The following RSPO1 variants were observed in gnomAD, a reference collection of about 807,000 sequenced individuals.
RSPO1 encodes R-spondin 1.
Under a neutral mutation model 26.0 loss-of-function variants are expected in RSPO1, and 18 were observed. That is an observed-to-expected ratio of 0.69 (90% CI 0.48 to 1.03). The LOEUF (loss-of-function observed/expected upper bound fraction) is 1.03. RSPO1 is among the 50% of genes least tolerant of loss of function. The pLI, the probability that RSPO1 is intolerant of heterozygous loss-of-function variation, is 0.00. For missense variants in RSPO1, 309 were observed against 352.3 expected, an observed-to-expected ratio of 0.88 and a Z score of 0.98; for synonymous variants, 133 against 137.4, an observed-to-expected ratio of 0.97 and a Z score of 0.22.
intron 1 of RSPO1, among the ~76,000 whole-genome samples, chr1:37,633,671 C>G (rs1319435526): frequency 6.7e-6 from 1 of 148,192 alleles, no homozygotes; most frequent in African/African-American, 2.5e-5. Flanking sequence ...GGGCGGGGGG[C>G]GGGACAAAGT....
chr1:37,614,404 A>G (rs989495042), intron 4 of RSPO1, 71 bp from the exon 5 acceptor site: 29 of 1,569,494 alleles, frequency 1.8e-5, no homozygotes, highest in Middle Eastern at 2.1e-4. Flanking sequence ...CCCAGCCCCA[A>G]TACCCTCCCT....
Position 37,614,170 on chromosome 1 carries a change from C to T in RSPO1, c.436+14G>A, listed in dbSNP as rs1295278604. On this transcript the variant is annotated intron_variant, in intron 5 of 6. Coordinates refer to ENST00000356545, the MANE Select transcript of RSPO1 (RefSeq NM_001242908.2). ...GTCCTGGACCCTCTGCCCACAGTGC[C>T]TGCCATGGCTTACCAGGACTACTGC... 6.2e-7 allele frequency: 1 copy of T among 1,611,708 alleles called. No individual in the cohort carries two copies. Among genetic ancestry groups the T allele is most frequent in the African/African-American group, 1.3e-5 (1 of 74,868 alleles).
intron 3 of RSPO1, among the ~76,000 whole-genome samples, chr1:37,625,363 T>C (rs1380703307): frequency 6.6e-6 from 1 of 152,068 alleles, no homozygotes; most frequent in Non-Finnish European, 1.5e-5. Context: ...GGATGGAACA[T>C]GGATGAGGGA....
rs1272303444 is a variant in RSPO1 at position 37,614,400 on chromosome 1, C to T, written c.287-67G>A. ...GAGAATGTTTCCCCTCATCCCCAGC[C>T]CCAATACCCTCCCTTCTGTCCACAC... On this transcript the variant is annotated intron_variant, in intron 4 of 6. Transcript: ENST00000356545. 3.5e-5 allele frequency: 55 copies of T among 1,577,942 alleles called. No individual in the cohort carries two copies. In the East Asian group the frequency reaches 1.2e-3, roughly 35 times the overall value.
rs1361986634 is a variant in RSPO1, at chr1:37,634,090, C to T, written c.-356+476G>A. 6.6e-6 allele frequency among the ~76,000 whole-genome samples: 1 copy of T among 152,188 alleles called. No homozygotes were observed. Among genetic ancestry groups the T allele is most frequent in the East Asian group, 1.9e-4 (1 of 5,182 alleles). On this transcript the variant is annotated intron_variant, in intron 1 of 6. Coordinates refer to ENST00000356545, the MANE Select transcript of RSPO1 (RefSeq NM_001242908.2). This position sits in a 1 kb window ranked among gnomAD's most constrained non-coding sequence, Gnocchi z 4.7. ...AGACCCCGAGGGCCAGGGAGCCGCGCCACTTCGCTGCGCACCGGGGGCCGC... is the reference window on the plus strand; with the variant it reads ...AGACCCCGAGGGCCAGGGAGCCGCGTCACTTCGCTGCGCACCGGGGGCCGC...
chr1:37,624,880 A>C (rs1303231293), intron 3 of RSPO1, among the ~76,000 whole-genome samples: 1 of 152,144 alleles, frequency 6.6e-6, no homozygotes, highest in Non-Finnish European at 1.5e-5. Flanking sequence ...ACCCCTCAGC[A>C]CCACTCCTAA....
chr1:37,629,891 C>T lies in RSPO1; in HGVS notation c.-230G>A, dbSNP rs183651885. ...AAGAGAGACTTCCTCAAAGATACCTCGGAATATCATATGAGAGATCTTTTT... is the reference window on the plus strand; with the variant it reads ...AAGAGAGACTTCCTCAAAGATACCTTGGAATATCATATGAGAGATCTTTTT... On this transcript the variant is annotated 5_prime_UTR_variant, in exon 3 of 7. Coordinates refer to ENST00000356545, the MANE Select transcript of RSPO1 (RefSeq NM_001242908.2). 124 of 1,549,558 alleles carry T rather than the reference C, an allele frequency of 8.0e-5. No individual in the cohort carries two copies. In the African/African-American group the frequency reaches 1.1e-3, roughly 14 times the overall value.
intron 3 of RSPO1, among the ~76,000 whole-genome samples, chr1:37,619,812 A>T (rs924486305): frequency 6.6e-6 from 1 of 151,642 alleles, no homozygotes; most frequent in Non-Finnish European, 1.5e-5. Flanking sequence ...CAGTGGCACA[A>T]TCTCGGCTCA....
At chr1:37,633,789 C>A (rs1456367602) in intron 1 of RSPO1, among the ~76,000 whole-genome samples, 1 of 152,156 alleles carries the variant, frequency 6.6e-6, no homozygotes, top group Non-Finnish European at 1.5e-5. Flanking sequence ...GGCTTCTTCA[C>A]CCCTCCATCA....
At chr1:37,622,062 C>A (rs1172937037) in intron 3 of RSPO1, among the ~76,000 whole-genome samples, 1 of 152,088 alleles carries the variant, frequency 6.6e-6, no homozygotes. Flanking sequence ...AGAAGAGGAA[C>A]TGGACATTGA....
intron 4 of RSPO1, among the ~76,000 whole-genome samples, chr1:37,614,996 G>A (rs936559872): frequency 2.6e-5 from 4 of 152,180 alleles, no homozygotes; most frequent in African/African-American, 9.7e-5. Context: ...TGGGGGCAGG[G>A]TGGGTCTTCC....
In RSPO1 at chr1:37,629,747, G is replaced by T; in HGVS notation, c.-86C>A. On this transcript the variant is annotated 5_prime_UTR_variant, in exon 3 of 7. Transcript: ENST00000356545. ...CACGGCTCTTGCTAACACCTCTGGG[G>T]CTGGGTCAGCAGCAGGAGGCCCAGG... 1.3e-6 allele frequency: 2 copies of T among 1,570,966 alleles called. No individual in the cohort carries two copies. The highest frequency in any genetic ancestry group is 1.7e-6 in the Non-Finnish European group (2 of 1,157,918).
Position 37,634,193 on chromosome 1 carries a change from G to T in RSPO1, c.-356+373C>A, listed in dbSNP as rs1356052831. ...GGGGTCACCAGAGACCGTGGGACTT[G>T]GGGGAATCCGAGCCAATGAGCCCCA... On this transcript the variant is annotated intron_variant, in intron 1 of 6. Coordinates refer to ENST00000356545, the MANE Select transcript of RSPO1 (RefSeq NM_001242908.2). This position sits in a 1 kb window ranked among gnomAD's most constrained non-coding sequence, Gnocchi z 4.7. 6.6e-6 allele frequency among the ~76,000 whole-genome samples: 1 copy of T among 152,164 alleles called. No individual in the cohort carries two copies. The highest frequency in any genetic ancestry group is 1.9e-4 in the East Asian group (1 of 5,176).
chr1:37,628,173 TTCTC>T (rs956488723), intron 3 of RSPO1, among the ~76,000 whole-genome samples: 2 of 150,930 alleles, frequency 1.3e-5, no homozygotes, highest in African/African-American at 4.9e-5. Context: ...GTTCCTCCCA[TTCTC>T]TCTCTCTCTC....
intron 1 of RSPO1, among the ~76,000 whole-genome samples, chr1:37,633,178 C>T (rs899451243): frequency 6.6e-6 from 1 of 152,224 alleles, no homozygotes; most frequent in Non-Finnish European, 1.5e-5. Flanking sequence ...AGACCTGGCC[C>T]TGAATGGTTA....
chr1:37,616,804 C>G lies in RSPO1; in HGVS notation c.95-129G>C, dbSNP rs143538807. On this transcript the variant is annotated intron_variant, in intron 3 of 6. Transcript: ENST00000356545. ...GAAGGAATATGCTTCTCAGAAAGCACCGGCCAGGCTGGCAGCTCTCTGCAA... is the reference window on the plus strand; with the variant it reads ...GAAGGAATATGCTTCTCAGAAAGCAGCGGCCAGGCTGGCAGCTCTCTGCAA... 495 of 906,464 alleles carry G rather than the reference C, an allele frequency of 5.5e-4. 1 individual carries two copies. In the African/African-American group the frequency reaches 6.2e-3, roughly 11 times the overall value. 56.2% of individuals were successfully genotyped at this position (906,464 alleles called of 1,614,324 possible). A position where few individuals can be genotyped will look rare whatever the true frequency, so the allele number is the denominator to read the frequency against.
Position 37,629,928 on chromosome 1 carries a change from A to G in RSPO1, c.-267T>C, listed in dbSNP as rs190916306. On this transcript the variant is annotated 5_prime_UTR_variant, in exon 3 of 7. Coordinates refer to ENST00000356545, the MANE Select transcript of RSPO1 (RefSeq NM_001242908.2). ...TGAGAGATCTTTTTGTCACGTCAGC[A>G]GGGACTACTCCAAAAACCAACCTGT... 3.3e-3 allele frequency: 4,997 copies of G among 1,511,804 alleles called. 17 individuals are homozygous for G. Among genetic ancestry groups the G allele is most frequent in the Non-Finnish European group, 4.0e-3 (4,460 of 1,111,514 alleles). The allele number at this position is 1,511,804 out of a possible 1,614,324, so 93.6% of individuals were successfully genotyped here.
At chr1:37,630,016 C>A in intron 2 of RSPO1, 67 bp from the exon 3 acceptor site, 1 of 740,764 alleles carries the variant, frequency 1.3e-6, no homozygotes, top group Non-Finnish European at 2.4e-6. Flanking sequence ...ATGCCTCCTG[C>A]CCTACCCAGA....
chr1:37,631,866 C>T (rs1438170851), intron 2 of RSPO1: 2 of 152,192 alleles, frequency 1.3e-5, no homozygotes, highest in Non-Finnish European at 2.9e-5. Context: ...TACTGTTATG[C>T]AATTTCCATA....
Sources: allele counts gnomAD v4.1 joint callset (sites outside exome capture counted in the v4.1 genomes callset), GRCh38; gene constraint gnomAD v4.1.1; non-coding constraint Gnocchi (gnomAD v3.1); transcripts MANE v1.5; gene names NCBI Gene and HGNC (gene_info 2026-07-23, HGNC 2026-07-21).